Variants in CHIC2 observed in about 807,000 individuals in gnomAD.
CHIC2 encodes cysteine rich hydrophobic domain 2.
A neutral mutation model predicts 25.9 loss-of-function variants in CHIC2; 14 were observed. The ratio of observed to expected loss-of-function variants is 0.54; its 90% confidence interval spans 0.36 to 0.85. The LOEUF (loss-of-function observed/expected upper bound fraction) is 0.85, where lower values mean the gene tolerates loss of function less well. CHIC2 is among the 40% of genes least tolerant of loss of function. The pLI is 0.01. For synonymous variants in CHIC2, 70 were observed against 72.0 expected (o/e 0.97, Z 0.14); for missense variants, 146 against 202.0 (o/e 0.72, Z 1.68).
chr4:54,085,739 C>T, the CHIC2 span, among the ~76,000 whole-genome samples: 3 of 152,120 alleles, frequency 2.0e-5, no homozygotes, highest in African/African-American at 7.2e-5. Context: ...GGAGGGAGAA[C>T]CTTAGCCCTA....
chr4:54,036,532 C>A, intron 3 of CHIC2, among the ~76,000 whole-genome samples: 1 of 152,108 alleles, frequency 6.6e-6, no homozygotes, highest in Non-Finnish European at 1.5e-5. Context: ...GAACTCAGCA[C>A]CAACCTGTGA....
chr4:54,085,051 A>G, the CHIC2 span, among the ~76,000 whole-genome samples: 54 of 151,954 alleles, frequency 3.6e-4, no homozygotes, highest in African/African-American at 1.2e-3. Flanking sequence ...AAAGTGTTCT[A>G]CTCCTTATCT....
chr4:54,042,353 T>C (rs1716604846), intron 3 of CHIC2, among the ~76,000 whole-genome samples: 1 of 152,208 alleles, frequency 6.6e-6, no homozygotes, highest in South Asian at 2.1e-4. Context: ...AAAAAGTCAA[T>C]CTTACATCTC....
At chr4:54,062,862 C>T (rs181223193) in intron 1 of CHIC2, among the ~76,000 whole-genome samples, 2 of 152,252 alleles carry the variant, frequency 1.3e-5, no homozygotes, top group Admixed American at 1.3e-4. Context: ...AGTTTAATAT[C>T]CATGATATTT....
chr4:54,038,543 A>G (rs1377433555), intron 3 of CHIC2, among the ~76,000 whole-genome samples: 1 of 152,222 alleles, frequency 6.6e-6, no homozygotes, highest in Non-Finnish European at 1.5e-5. Context: ...TAAGATGTCA[A>G]TTCTCTCCAA....
intron 3 of CHIC2, among the ~76,000 whole-genome samples, chr4:54,042,131 A>G (rs1308906813): frequency 6.6e-6 from 1 of 152,152 alleles, no homozygotes; most frequent in Non-Finnish European, 1.5e-5. Flanking sequence ...TACCATGGTT[A>G]TGTAATAGTT....
the CHIC2 span, among the ~76,000 whole-genome samples, chr4:54,081,094 A>C: frequency 2.0e-5 from 3 of 151,520 alleles, no homozygotes; most frequent in East Asian, 5.8e-4. Context: ...AAAAAGACTT[A>C]GGTCTGAATC....
At chr4:54,086,945 G>GT in the CHIC2 span, 1 of 692,232 alleles carries the variant, frequency 1.4e-6, no homozygotes, top group Non-Finnish European at 2.6e-6. Context: ...AGAAAGCCGG[G>GT]TTCTCAATCT....
the CHIC2 span, among the ~76,000 whole-genome samples, chr4:54,086,073 C>T: frequency 1.3e-5 from 2 of 152,162 alleles, no homozygotes; most frequent in South Asian, 2.1e-4. Context: ...AAGCATCCAC[C>T]TAGAACACTG....
At chr4:54,043,188 G>A (rs983107688) in intron 3 of CHIC2, among the ~76,000 whole-genome samples, 4 of 152,118 alleles carry the variant, frequency 2.6e-5, no homozygotes, top group Admixed American at 2.6e-4. Context: ...TTGGGAGGCC[G>A]AGGCGGATGG....
the CHIC2 span, among the ~76,000 whole-genome samples, chr4:54,071,020 T>C: frequency 7.9e-5 from 12 of 152,308 alleles, no homozygotes; most frequent in African/African-American, 2.9e-4. Context: ...TGCTTTAGGA[T>C]TGATGTATGT....
At chr4:54,046,476 G>T (rs1348589685) in intron 3 of CHIC2, among the ~76,000 whole-genome samples, 1 of 152,014 alleles carries the variant, frequency 6.6e-6, no homozygotes, top group East Asian at 1.9e-4. Flanking sequence ...ACAGAACAGA[G>T]CCCTCAGAAA....
At chr4:54,017,724 G>T (rs554514745) in intron 3 of CHIC2, among the ~76,000 whole-genome samples, 1 of 152,012 alleles carries the variant, frequency 6.6e-6, no homozygotes, top group African/African-American at 2.4e-5. Context: ...TGTGAATGGC[G>T]TCATGTTACT....
chr4:54,030,537 A>AATATAT (rs1385292433), intron 3 of CHIC2, among the ~76,000 whole-genome samples: 4 of 139,850 alleles, frequency 2.9e-5, no homozygotes, highest in African/African-American at 1.1e-4. Context: ...AAAAAAAAAA[A>AATATAT]ATATATATAT....
intron 3 of CHIC2, among the ~76,000 whole-genome samples, chr4:54,029,849 AT>A (rs1344002641): frequency 2.6e-5 from 4 of 152,166 alleles, no homozygotes; most frequent in African/African-American, 9.6e-5. Context: ...TCTGCTTATG[AT>A]TCCCCCAGGT....
rs773924674 is a variant in CHIC2, at chr4:54,013,873, G to C, written c.411C>G (p.Ser137Arg). 10 of 1,613,164 alleles carry C rather than the reference G, an allele frequency of 6.2e-6. No individual in the cohort carries two copies. The African/African-American group carries it at 1.3e-4, about 22-fold the overall frequency. ...TGTTATTCGTTTCACATTTCCTTTT[G>C]CTCAGTCTCCAATGCAAGCACAGCT... ...YHKLCLHWRL[S>R]KRKCETNNMM... Residue 137 changes from serine (S) to arginine (R), a missense_variant, in exon 5 of 6, where the codon AGC (serine) becomes AGG (arginine). Ser to Arg is a moderately radical substitution (Grantham distance 110, BLOSUM62 -1). Coordinates refer to ENST00000263921, the MANE Select transcript of CHIC2 (RefSeq NM_012110.4).
chr4:54,051,073 G>C lies in CHIC2; in HGVS notation c.120-1768C>G, dbSNP rs1006603825. 5.2e-4 allele frequency among the ~76,000 whole-genome samples: 79 copies of C among 151,952 alleles called. 2 individuals are homozygous for C. Among genetic ancestry groups the C allele is most frequent in the Non-Finnish European group, 4.4e-5 (3 of 67,924 alleles). ...GGGACTGTATCACCTCTGAAATTCT[G>C]AACTGTAAAATTCTTCTCTTACCAC... On this transcript the variant is annotated intron_variant, in intron 1 of 5. Coordinates refer to ENST00000263921, the MANE Select transcript of CHIC2 (RefSeq NM_012110.4).
intron 3 of CHIC2, among the ~76,000 whole-genome samples, chr4:54,044,080 G>A (rs1278813722): frequency 6.6e-6 from 1 of 152,096 alleles, no homozygotes; most frequent in Non-Finnish European, 1.5e-5. Context: ...ATGGTAAAGG[G>A]ATCAATTCAA....
At chr4:54,026,445 G>A (rs1014404660) in intron 3 of CHIC2, among the ~76,000 whole-genome samples, 9 of 152,190 alleles carry the variant, frequency 5.9e-5, no homozygotes, top group Non-Finnish European at 8.8e-5. Context: ...GCTTGAACCC[G>A]GGAGGTGGAG....
Sources: allele counts gnomAD v4.1 joint callset (sites outside exome capture counted in the v4.1 genomes callset), GRCh38; gene constraint gnomAD v4.1.1; transcripts MANE v1.5; gene names NCBI Gene and HGNC (gene_info 2026-07-23, HGNC 2026-07-21).